Variants in FNBP1 observed in about 807,000 individuals in gnomAD.
FNBP1 encodes the protein formin binding protein 1, also known as formin-binding protein 1.
FNBP1 carries 26 observed loss-of-function variants against 90.6 expected under a neutral mutation model. The observed-to-expected ratio is 0.29, with a 90% CI of 0.21 to 0.40. FNBP1 has a LOEUF of 0.40. Among genes scored for constraint, FNBP1 ranks in the 10% least tolerant of loss-of-function variants. The probability of loss-of-function intolerance (pLI) is 1.00; values close to 1 mark genes in which losing one functional copy is unlikely to be tolerated. For synonymous variants in FNBP1, 260 were observed against 265.2 expected, an observed-to-expected ratio of 0.98 and a Z score of 0.19; for missense variants, 635 against 768.0, an observed-to-expected ratio of 0.83 and a Z score of 2.05.
At chr9:129,993,663 CA>C (rs2053560205) in intron 2 of FNBP1, among the ~76,000 whole-genome samples, 1 of 141,804 alleles carries the variant, frequency 7.1e-6, no homozygotes, top group Non-Finnish European at 1.5e-5. Context: ...CTTACTCTGT[CA>C]CCCAGGCTAG....
intron 6 of FNBP1, among the ~76,000 whole-genome samples, chr9:129,938,665 T>C (rs934729211): frequency 6.6e-6 from 1 of 151,942 alleles, no homozygotes; most frequent in Non-Finnish European, 1.5e-5. Flanking sequence ...CAATCCCACA[T>C]GGCCCATTCA....
intron 6 of FNBP1, among the ~76,000 whole-genome samples, chr9:129,954,814 T>C (rs1040789361): frequency 3.3e-5 from 5 of 152,120 alleles, no homozygotes; most frequent in African/African-American, 1.2e-4. Flanking sequence ...CTGGCCAACG[T>C]GGTGAAACCC....
chr9:129,888,737 G>A lies in FNBP1; in HGVS notation c.*1802C>T, dbSNP rs988424064. On this transcript the variant is annotated 3_prime_UTR_variant, in exon 17 of 17. Coordinates refer to ENST00000446176, the MANE Select transcript of FNBP1 (RefSeq NM_015033.3). Reference sequence around the variant, plus strand: ...GGTTTCTCGTCCCCGAGGGCTGACTGAGCTGCTCCGGAAGGGTGGTGTGTG... The same window carrying A: ...GGTTTCTCGTCCCCGAGGGCTGACTAAGCTGCTCCGGAAGGGTGGTGTGTG... 1 of 233,220 alleles carries A rather than the reference G, an allele frequency of 4.3e-6. No homozygotes were observed. The highest frequency in any genetic ancestry group is 8.5e-6 in the Non-Finnish European group (1 of 118,100). 14.4% of individuals were successfully genotyped at this position (233,220 alleles called of 1,614,324 possible). A position where few individuals can be genotyped will look rare whatever the true frequency, so the allele number is the denominator to read the frequency against.
At chr9:129,963,483 A>C (rs1259723660) in intron 4 of FNBP1, among the ~76,000 whole-genome samples, 3 of 152,168 alleles carry the variant, frequency 2.0e-5, no homozygotes, top group African/African-American at 4.8e-5. Context: ...CTGGTAAGTT[A>C]TCTCTCATGA....
Position 130,033,635 on chromosome 9 carries a change from A to G in FNBP1, c.24+9317T>C, listed in dbSNP as rs149876628. 2.9e-3 allele frequency among the ~76,000 whole-genome samples: 440 copies of G among 151,814 alleles called. 7 individuals carry two copies. Among genetic ancestry groups the G allele is most frequent in the African/African-American group, 0.01 (422 of 41,364 alleles). ...GGTGATCACTTGAGGTCAAAAGTTC[A>G]AGTCCAGCCTGGGCAACACAGGAAG... On this transcript the variant is annotated intron_variant, in intron 1 of 16. Coordinates refer to ENST00000446176, the MANE Select transcript of FNBP1 (RefSeq NM_015033.3).
At chr9:130,029,502 T>A (rs941143967) in intron 1 of FNBP1, among the ~76,000 whole-genome samples, 19 of 152,012 alleles carry the variant, frequency 1.2e-4, no homozygotes, top group Middle Eastern at 3.2e-3. Flanking sequence ...GAACAAAGAG[T>A]ACCTTAAAAT....
intron 4 of FNBP1, among the ~76,000 whole-genome samples, chr9:129,959,551 T>A (rs998960110): frequency 1.3e-5 from 2 of 152,088 alleles, no homozygotes; most frequent in East Asian, 3.9e-4. Context: ...ATCGTGCTAA[T>A]GCACTCCAGC....
rs770279108 is a variant in FNBP1 at position 129,895,992 on chromosome 9, C to G, written c.1692G>C (p.Gln564His). 6 of 1,606,848 alleles carry G rather than the reference C, an allele frequency of 3.7e-6. No homozygotes were observed. Among genetic ancestry groups the G allele is most frequent in the East Asian group, 2.2e-5 (1 of 44,716 alleles). ...CAACTACGGAAATCGTTCCTTCATT[C>G]TGACCTGAAAAAGCAATATCAGGAT... ...TCKALYTFEGQNEGTISVVEG... is the reference protein window; with the variant it reads ...TCKALYTFEGHNEGTISVVEG... Residue 564 changes from glutamine (Q) to histidine (H), a missense_variant, in exon 16 of 17, where the codon CAG (glutamine) becomes CAC (histidine). Gln to His is a conservative substitution (Grantham distance 24, BLOSUM62 0). Transcript: ENST00000446176.
In FNBP1 at chr9:129,938,192, A is replaced by T. The variant is rs191189652; in HGVS notation, c.514-8497T>A. On this transcript the variant is annotated intron_variant, in intron 6 of 16. Coordinates refer to ENST00000446176, the MANE Select transcript of FNBP1 (RefSeq NM_015033.3). ...AAATAAATAAATTAATTAATTTTTTAAAAAAAGCTCTGAAAAGCTAATGGA... is the reference window on the plus strand; with the variant it reads ...AAATAAATAAATTAATTAATTTTTTTAAAAAAGCTCTGAAAAGCTAATGGA... Among the ~76,000 whole-genome samples, 254 of 152,142 alleles carry T rather than the reference A, an allele frequency of 1.7e-3. 1 individual carries two copies. Among genetic ancestry groups the T allele is most frequent in the East Asian group, 4.4e-3 (23 of 5,182 alleles).
intron 16 of FNBP1, 38 bp downstream of exon 16, chr9:129,895,800 T>G (rs753788716): frequency 1.5e-4 from 154 of 1,006,806 alleles, no homozygotes; most frequent in Non-Finnish European, 2.0e-4. Context: ...TTTTTTTAAG[T>G]TTTTTTTTTT....
Position 129,888,803 on chromosome 9 carries a change from C to T in FNBP1, c.*1736G>A, listed in dbSNP as rs921746591. 1 of 232,868 alleles carries T rather than the reference C, an allele frequency of 4.3e-6. No homozygotes were observed. Among genetic ancestry groups the T allele is most frequent in the African/African-American group, 2.2e-5 (1 of 45,298 alleles). 14.4% of individuals were successfully genotyped at this position (232,868 alleles called of 1,614,324 possible). A position where few individuals can be genotyped will look rare whatever the true frequency, so the allele number is the denominator to read the frequency against. ...CTGAGAGGAGCAATTTCCTGGTTTC[C>T]ACAAGTAAAGACAGCCCCATCCCTT... On this transcript the variant is annotated 3_prime_UTR_variant, in exon 17 of 17. Transcript: ENST00000446176.
At chr9:129,990,270 C>G (rs1234233543) in intron 2 of FNBP1, among the ~76,000 whole-genome samples, 1 of 151,912 alleles carries the variant, frequency 6.6e-6, no homozygotes, top group Non-Finnish European at 1.5e-5. Flanking sequence ...AACAAGAAAA[C>G]TATATAAAAT....
At chr9:130,045,847 C>T (rs1235552337), upstream of FNBP1, among the ~76,000 whole-genome samples, 3 of 152,150 alleles carry the variant, frequency 2.0e-5, no homozygotes, top group African/African-American at 7.2e-5. Flanking sequence ...AAATCCATTT[C>T]AGTTTCCCTT....
the FNBP1 span, among the ~76,000 whole-genome samples, chr9:130,051,439 G>A: frequency 6.6e-6 from 1 of 152,224 alleles, no homozygotes; most frequent in Non-Finnish European, 1.5e-5. Context: ...TGTCCAAACC[G>A]ATATCAAATA....
rs1302142410 is a variant in FNBP1, at chr9:129,925,017, G to A, written c.930C>T (p.Asp310=). The change falls in exon 9 of 17, where the codon GAC becomes GAT. Residue 310 remains aspartate (D), a synonymous_variant. Transcript: ENST00000446176. ...CTTTGGATTTGCCACCAAATTTGAG[G>A]TCTGGTTTGCCTTCTCCTCTGGAAT... is the stretch of plus-strand genomic sequence containing the variant. ...LSNSRGEGKP[D]LKFGGKSKGK... 1.2e-6 allele frequency: 2 copies of A among 1,613,840 alleles called. No individual in the cohort carries two copies. The highest frequency in any genetic ancestry group is 8.5e-7 in the Non-Finnish European group (1 of 1,179,862).
intron 1 of FNBP1, among the ~76,000 whole-genome samples, chr9:130,000,504 CAAAAGAA>C (rs1443615543): frequency 2.0e-5 from 3 of 151,282 alleles, no homozygotes; most frequent in African/African-American, 7.3e-5. Context: ...ATGTCAAAAA[CAAAAGAA>C]AAAAGAAAAA....
At chr9:129,997,047 A>G (rs6478937) in intron 1 of FNBP1, among the ~76,000 whole-genome samples, 143,397 of 151,806 alleles carry the variant, frequency 0.94, 68,308 homozygotes, top group East Asian at 1. Context: ...GATTTTGGCC[A>G]GGTGAGGTGG....
At chr9:130,043,835 C>T (rs755821327), upstream of FNBP1, among the ~76,000 whole-genome samples, 1 of 152,242 alleles carries the variant, frequency 6.6e-6, no homozygotes, top group Non-Finnish European at 1.5e-5. Flanking sequence ...ATCACGTTAC[C>T]GCCTAGTGGG....
chr9:129,912,875 G>A (rs1390451691), intron 11 of FNBP1, among the ~76,000 whole-genome samples: 3 of 152,066 alleles, frequency 2.0e-5, no homozygotes. Context: ...AATGTGGCTG[G>A]TGAAATTGTG....
Sources: gnomAD v4.1 joint callset for allele counts (sites outside exome capture counted in the v4.1 genomes callset) on GRCh38, gnomAD v4.1.1 for gene constraint, MANE v1.5 for transcripts, NCBI Gene and HGNC (gene_info 2026-07-23, HGNC 2026-07-21) for gene names.